Variants in STK3 observed in about 807,000 individuals in gnomAD.
The protein encoded by STK3 is serine/threonine kinase 3.
STK3 carries 41 observed loss-of-function variants against 58.0 expected under a neutral mutation model. That is an observed-to-expected ratio of 0.71 (90% CI 0.55 to 0.92). The LOEUF (loss-of-function observed/expected upper bound fraction) is 0.92. STK3 is among the 40% of genes least tolerant of loss of function. The pLI is 0.00. For missense variants in STK3, 479 were observed against 602.7 expected (o/e 0.79, Z 2.15); for synonymous variants, 170 against 191.0 (o/e 0.89, Z 0.91).
chr8:98,919,276 G>T (rs887441929), intron 1 of STK3, among the ~76,000 whole-genome samples: 11 of 152,158 alleles, frequency 7.2e-5, no homozygotes, highest in African/African-American at 2.7e-4. Context: ...AAATGCCAAG[G>T]TCTGACTTGA....
chr8:98,870,897 T>G (rs1287542736), intron 3 of STK3, among the ~76,000 whole-genome samples: 1 of 152,236 alleles, frequency 6.6e-6, no homozygotes, highest in African/African-American at 2.4e-5. Context: ...TTTTGATGTT[T>G]TAGTCACGAA....
chr8:98,871,696 T>C (rs1837386508), intron 3 of STK3, among the ~76,000 whole-genome samples: 1 of 152,236 alleles, frequency 6.6e-6, no homozygotes, highest in Non-Finnish European at 1.5e-5. Flanking sequence ...TGATTTTGTA[T>C]CCTGAGACTT....
intron 1 of STK3, among the ~76,000 whole-genome samples, chr8:98,894,447 A>C (rs1838375809): frequency 6.6e-6 from 1 of 152,156 alleles, no homozygotes; most frequent in African/African-American, 2.4e-5. Flanking sequence ...TAGAACATAA[A>C]CTGTCACCTC....
rs181920054 is a variant in STK3 at position 98,629,827 on chromosome 8, C to T, written c.685-33658G>A. On this transcript the variant is annotated intron_variant, in intron 6 of 10. Transcript: ENST00000419617. ...ACAGCAAACTACCCCTCCTTGAGTGCTTTTCGCATGCAAACCACTCAATCT... is the reference window on the plus strand; with the variant it reads ...ACAGCAAACTACCCCTCCTTGAGTGTTTTTCGCATGCAAACCACTCAATCT... 3.3e-5 allele frequency among the ~76,000 whole-genome samples: 5 copies of T among 152,252 alleles called. No individual in the cohort carries two copies. In the East Asian group the frequency reaches 9.6e-4, roughly 29 times the overall value.
chr8:98,618,118 A>G (rs1302555145), intron 6 of STK3, among the ~76,000 whole-genome samples: 2 of 151,910 alleles, frequency 1.3e-5, no homozygotes, highest in Non-Finnish European at 2.9e-5. Flanking sequence ...ATCCACCATG[A>G]TCAAGTGGGC....
At chr8:98,893,426 GAAAGAAA>G (rs1838283181) in intron 1 of STK3, among the ~76,000 whole-genome samples, 32 of 48,906 alleles carry the variant, frequency 6.5e-4, no homozygotes, top group Non-Finnish European at 6.7e-4. Flanking sequence ...AGGAAGGAAA[GAAAGAAA>G]GAAAGAAAGA....
chr8:98,547,924 CTTTCGAATTAGAAAACTAATATT>C (rs778192408), intron 9 of STK3, 22 bp downstream of exon 9: 4 of 1,454,912 alleles, frequency 2.7e-6, no homozygotes, highest in Non-Finnish European at 3.6e-6. Context: ...TAAAAGTATC[CTTTCGAATTAGAAAACTAATATT>C]TAATGTAAAA....
chr8:98,754,204 G>C (rs916598286), intron 3 of STK3, among the ~76,000 whole-genome samples: 1 of 151,910 alleles, frequency 6.6e-6, no homozygotes, highest in African/African-American at 2.4e-5. Context: ...AAAAGTGCTT[G>C]TTTACAAACA....
chr8:98,526,636 T>C, intron 10 of STK3, 106 bp downstream of exon 10: 1 of 895,510 alleles, frequency 1.1e-6, no homozygotes, highest in East Asian at 3.0e-5. Context: ...TGGTCTATAA[T>C]TGTATATACA....
chr8:98,816,606 T>C (rs1252424744), intron 1 of STK3, among the ~76,000 whole-genome samples: 2 of 151,068 alleles, frequency 1.3e-5, no homozygotes, highest in African/African-American at 4.9e-5. Context: ...CAATCTCAGC[T>C]CACTGCAACC....
chr8:98,592,120 C>A lies in STK3; in HGVS notation c.822+3912G>T, dbSNP rs150755047. Among the ~76,000 whole-genome samples the A allele has an allele frequency of 3.3e-5, 5 of 152,266 alleles. No individual in the cohort carries two copies. The East Asian group carries it at 9.6e-4, about 29-fold the overall frequency. ...GCAATATTATGTTATCAAAGACATT[C>A]TTTTCTTACATTCTCTTGTTTACAT... On this transcript the variant is annotated intron_variant, in intron 7 of 10. Transcript: ENST00000419617.
rs1246162617 is a variant in STK3, at chr8:98,599,793, GA to G, written c.685-3625del. On this transcript the variant is annotated intron_variant, in intron 6 of 10. Coordinates refer to ENST00000419617, the MANE Select transcript of STK3 (RefSeq NM_006281.4). Reference sequence around the variant, plus strand: ...TCGAGACCAGCCTGGCCAATATGGTGAAACCCTGTCTCTCCCAAAAAACAAA... The same window carrying G: ...TCGAGACCAGCCTGGCCAATATGGTGAACCCTGTCTCTCCCAAAAAACAAA... Among the ~76,000 whole-genome samples the G allele has an allele frequency of 5.9e-5, 9 of 152,102 alleles. No homozygotes were observed. In the East Asian group the frequency reaches 1.5e-3, roughly 26 times the overall value.
At chr8:98,749,735 A>T (rs536454838) in intron 3 of STK3, among the ~76,000 whole-genome samples, 2 of 152,222 alleles carry the variant, frequency 1.3e-5, no homozygotes, top group East Asian at 3.9e-4. Flanking sequence ...TGTCTTCTAA[A>T]GGATTTTGCA....
intron 6 of STK3, among the ~76,000 whole-genome samples, chr8:98,608,940 AT>A (rs1422869786): frequency 6.6e-6 from 1 of 152,244 alleles, no homozygotes; most frequent in Admixed American, 6.5e-5. Context: ...ATAAATTGGA[AT>A]TTTGATTTGT....
chr8:98,822,757 G>A (rs1245852429), intron 1 of STK3, among the ~76,000 whole-genome samples: 3 of 152,196 alleles, frequency 2.0e-5, no homozygotes, highest in Admixed American at 6.5e-5. Context: ...GGCCAGGCAC[G>A]GTGGTTCATG....
At chr8:98,792,896 ATGTGTG>A (rs34465301) in intron 1 of STK3, among the ~76,000 whole-genome samples, 9 of 145,660 alleles carry the variant, frequency 6.2e-5, no homozygotes, top group Admixed American at 1.4e-4. Context: ...AAGAGACTGT[ATGTGTG>A]TGTGTGTGTG....
intron 1 of STK3, among the ~76,000 whole-genome samples, chr8:98,903,543 TCTTCTTCTTCTTCC>T (rs777113063): frequency 0.012 from 490 of 40,874 alleles, 18 homozygotes; most frequent in East Asian, 0.015. Context: ...TTCTTCTTCT[TCTTCTTCTTCTTCC>T]TTTTTTTTTT....
the STK3 span, among the ~76,000 whole-genome samples, chr8:98,348,867 A>G: frequency 6.6e-6 from 1 of 152,236 alleles, no homozygotes; most frequent in Non-Finnish European, 1.5e-5. Context: ...AAAACTAAAC[A>G]TACTCTTACC....
At chr8:98,814,673 A>T (rs999119774) in intron 1 of STK3, among the ~76,000 whole-genome samples, 2 of 151,450 alleles carry the variant, frequency 1.3e-5, no homozygotes, top group East Asian at 1.9e-4. Context: ...CACCTGGCAA[A>T]TTTTTTTTAT....
Sources: gnomAD v4.1 joint callset for allele counts (sites outside exome capture counted in the v4.1 genomes callset) on GRCh38, gnomAD v4.1.1 for gene constraint, MANE v1.5 for transcripts, NCBI Gene and HGNC (gene_info 2026-07-23, HGNC 2026-07-21) for gene names.